BABAM2: variants seen among roughly 807,000 people sequenced by gnomAD.
BABAM2 encodes BRISC and BRCA1-A complex member 2.
In BABAM2, 31 loss-of-function variants were observed where a neutral mutation model predicts 54.7. The observed-to-expected ratio is 0.57, with a 90% confidence interval of 0.43 to 0.77. The LOEUF (loss-of-function observed/expected upper bound fraction) is 0.77, where lower values mean the gene tolerates loss of function less well. Ranked by LOEUF, BABAM2 falls within the 30% of genes least tolerant of loss-of-function variation. The pLI is 0.00. For synonymous variants in BABAM2, 167 were observed against 162.9 expected, an observed-to-expected ratio of 1.03 and a Z score of -0.19; for missense variants, 364 against 455.8, an observed-to-expected ratio of 0.80 and a Z score of 1.83.
At chr2:28,298,304 T>C in intron 10 of BABAM2, 34 bp from the exon 11 acceptor site, 1 of 1,606,130 alleles carries the variant, frequency 6.2e-7, no homozygotes, top group Middle Eastern at 1.7e-4. Context: ...GTGTTTATGC[T>C]CTAACTTTCT....
intron 3 of BABAM2, among the ~76,000 whole-genome samples, chr2:27,968,987 C>T (rs2148446534): frequency 6.6e-6 from 1 of 152,162 alleles, no homozygotes; most frequent in East Asian, 1.9e-4. Flanking sequence ...GTGTTCCCAC[C>T]CAAATCTCAT....
intron 4 of BABAM2, among the ~76,000 whole-genome samples, chr2:28,002,060 TAAA>T (rs5830060): frequency 1.4e-4 from 20 of 140,052 alleles, no homozygotes; most frequent in Admixed American, 2.8e-4. Context: ...ATCAAACAGG[TAAA>T]AAAAAAAAAA....
At position 28,175,943 on chromosome 2, in the gene BABAM2, G is replaced by A. The variant is rs1006357003; in HGVS notation, c.680+46563G>A. On this transcript the variant is annotated intron_variant, in intron 7 of 11. Transcript: ENST00000379624. ...ACTAACAACTGCAGCCTAAGCCACT[G>A]AGAAGATCACAAATACCACTGACAC... Among the ~76,000 whole-genome samples the A allele has an allele frequency of 1.4e-4, 22 of 152,176 alleles. No homozygotes were observed. The East Asian group carries it at 1.5e-3, about 11-fold the overall frequency.
At chr2:28,105,969 C>A (rs890862734) in intron 6 of BABAM2, among the ~76,000 whole-genome samples, 5 of 141,420 alleles carry the variant, frequency 3.5e-5, no homozygotes, top group African/African-American at 1.3e-4. Flanking sequence ...TCTTTTAATT[C>A]TTTCCTTTAA....
chr2:28,035,992 T>C (rs1296137271), intron 5 of BABAM2, among the ~76,000 whole-genome samples: 2 of 152,146 alleles, frequency 1.3e-5, no homozygotes, highest in African/African-American at 4.8e-5. Flanking sequence ...AGGAAATCCT[T>C]TCCATTTCCT....
intron 3 of BABAM2, among the ~76,000 whole-genome samples, chr2:27,977,423 A>C (rs1558632047): frequency 6.6e-6 from 1 of 152,166 alleles, no homozygotes; most frequent in Non-Finnish European, 1.5e-5. Flanking sequence ...AATACAGATA[A>C]ATTTAAAATT....
At chr2:28,144,491 C>T (rs776580572) in intron 7 of BABAM2, among the ~76,000 whole-genome samples, 1 of 152,180 alleles carries the variant, frequency 6.6e-6, no homozygotes, top group Non-Finnish European at 1.5e-5. Context: ...ATAGCTGTAA[C>T]CATCCACAAC....
chr2:28,092,595 G>A (rs1436277925), intron 6 of BABAM2, among the ~76,000 whole-genome samples: 2 of 152,180 alleles, frequency 1.3e-5, no homozygotes, highest in Non-Finnish European at 2.9e-5. Flanking sequence ...GGTATACCAT[G>A]GGATGGGCCC....
At chr2:28,035,739 A>G (rs1676616402) in intron 5 of BABAM2, among the ~76,000 whole-genome samples, 1 of 152,182 alleles carries the variant, frequency 6.6e-6, no homozygotes, top group Non-Finnish European at 1.5e-5. Context: ...CTTGCTTACA[A>G]TAGCTTATAT....
chr2:28,061,056 C>G (rs1678820615), intron 6 of BABAM2, among the ~76,000 whole-genome samples: 2 of 152,142 alleles, frequency 1.3e-5, no homozygotes, highest in Non-Finnish European at 2.9e-5. Context: ...TTGGAGGACT[C>G]ACATTCCCTG....
intron 4 of BABAM2, among the ~76,000 whole-genome samples, chr2:28,009,031 C>T (rs1311864820): frequency 2.0e-5 from 3 of 152,044 alleles, no homozygotes; most frequent in South Asian, 4.1e-4. Flanking sequence ...TTTTAGCCAT[C>T]GTTTAGTCAA....
At chr2:28,094,907 CTTTT>C (rs202097046) in intron 6 of BABAM2, among the ~76,000 whole-genome samples, 1 of 130,656 alleles carries the variant, frequency 7.7e-6, no homozygotes, top group Non-Finnish European at 1.7e-5. Flanking sequence ...GCTCCCTCTT[CTTTT>C]TTTTTTTTTT....
At chr2:28,124,700 G>A (rs1039058004) in intron 6 of BABAM2, among the ~76,000 whole-genome samples, 7 of 152,110 alleles carry the variant, frequency 4.6e-5, no homozygotes, top group African/African-American at 1.4e-4. Flanking sequence ...CTAAGATCCT[G>A]CTCTTACCCA....
intron 3 of BABAM2, among the ~76,000 whole-genome samples, chr2:27,958,409 A>G (rs905142600): frequency 1.3e-5 from 2 of 151,718 alleles, no homozygotes; most frequent in African/African-American, 4.8e-5. Flanking sequence ...TTCACAACTG[A>G]TGACAGTAAA....
chr2:27,904,086 AC>A, intron 2 of BABAM2, among the ~76,000 whole-genome samples: 1 of 152,176 alleles, frequency 6.6e-6, no homozygotes, highest in African/African-American at 2.4e-5. Context: ...GGTAGTGTAG[AC>A]AGTTATGCTG....
intron 6 of BABAM2, among the ~76,000 whole-genome samples, chr2:28,102,065 A>G (rs535484153): frequency 6.6e-6 from 1 of 152,340 alleles, no homozygotes; most frequent in East Asian, 1.9e-4. Flanking sequence ...CTATTTATGA[A>G]TTGGCTGACT....
chr2:28,209,370 A>G (rs6747817), intron 7 of BABAM2, among the ~76,000 whole-genome samples: 34,343 of 152,122 alleles, frequency 0.23, 4,436 homozygotes, highest in African/African-American at 0.35. Context: ...TAGGATTGTC[A>G]TCTTACAAAT....
chr2:28,066,128 C>T (rs1479040616), intron 6 of BABAM2, among the ~76,000 whole-genome samples: 3 of 150,604 alleles, frequency 2.0e-5, no homozygotes, highest in Non-Finnish European at 4.4e-5. Flanking sequence ...CACTGCACTC[C>T]AGCCTAGGCG....
At position 28,093,955 on chromosome 2, in the gene BABAM2, G is replaced by A. The variant is rs186269420; in HGVS notation, c.571-35316G>A. Among the ~76,000 whole-genome samples the A allele has an allele frequency of 2.0e-5, 3 of 152,250 alleles. No individual in the cohort carries two copies. The East Asian group carries it at 5.8e-4, about 29-fold the overall frequency. On this transcript the variant is annotated intron_variant, in intron 6 of 11. Transcript: ENST00000379624. ...TGTATATGGGAAGCCAGGCTGGGGGGCTGATGCAGGAAATGATAACCAAAT... is the reference window on the plus strand; with the variant it reads ...TGTATATGGGAAGCCAGGCTGGGGGACTGATGCAGGAAATGATAACCAAAT...
Sources: allele counts gnomAD v4.1 joint callset (sites outside exome capture counted in the v4.1 genomes callset), GRCh38; gene constraint gnomAD v4.1.1; transcripts MANE v1.5; gene names NCBI Gene and HGNC (gene_info 2026-07-23, HGNC 2026-07-21).